The following SPAG16 variants were observed in gnomAD, a reference collection of about 807,000 sequenced individuals.
The protein encoded by SPAG16 is sperm associated antigen 16.
In SPAG16, 86 loss-of-function variants were observed where a neutral mutation model predicts 80.4. The observed-to-expected ratio is 1.07, with a 90% confidence interval of 0.90 to 1.28. SPAG16 has a LOEUF of 1.28. SPAG16 is among the 50% of genes most tolerant of loss of function. The probability of loss-of-function intolerance (pLI) is 0.00; values close to 1 mark genes in which losing one functional copy is unlikely to be tolerated. For synonymous variants in SPAG16, 294 were observed against 265.9 expected (o/e 1.11, Z -1.03); for missense variants, 870 against 765.3 (o/e 1.14, Z -1.61).
chr2:213,574,149 T>C, intron 10 of SPAG16, among the ~76,000 whole-genome samples: 1 of 152,236 alleles, frequency 6.6e-6, no homozygotes, highest in Non-Finnish European at 1.5e-5. Context: ...ACTTGTAGGT[T>C]ATATGCTATC....
chr2:213,774,916 A>C (rs1003281978), intron 10 of SPAG16, among the ~76,000 whole-genome samples: 4 of 152,158 alleles, frequency 2.6e-5, no homozygotes, highest in Non-Finnish European at 5.9e-5. Context: ...TGCATGCTGG[A>C]GGGTTTTCTC....
intron 13 of SPAG16, among the ~76,000 whole-genome samples, chr2:214,047,921 A>G (rs2049425137): frequency 6.6e-6 from 1 of 152,200 alleles, no homozygotes; most frequent in Non-Finnish European, 1.5e-5. Flanking sequence ...ACAGATGGCA[A>G]ACAGGTATAT....
intron 11 of SPAG16, among the ~76,000 whole-genome samples, chr2:213,927,592 T>C (rs925135577): frequency 3.3e-5 from 5 of 152,232 alleles, no homozygotes; most frequent in African/African-American, 1.2e-4. Context: ...TCTGACTCTA[T>C]ATATTAAAAA....
chr2:213,882,033 AT>A, intron 11 of SPAG16, among the ~76,000 whole-genome samples: 1 of 152,196 alleles, frequency 6.6e-6, no homozygotes, highest in South Asian at 2.1e-4. Context: ...GAGAGTTTTT[AT>A]TATAAAGGGA....
chr2:213,797,051 T>TA (rs71063780), intron 10 of SPAG16, among the ~76,000 whole-genome samples: 25 of 149,186 alleles, frequency 1.7e-4, no homozygotes, highest in East Asian at 5.9e-4. Flanking sequence ...AAATTAAAAT[T>TA]AAAAAAAAAA....
chr2:213,896,138 C>A (rs1364488476), intron 11 of SPAG16, among the ~76,000 whole-genome samples: 3 of 151,754 alleles, frequency 2.0e-5, no homozygotes, highest in African/African-American at 7.3e-5. Context: ...GGCAAACAGA[C>A]CTGAATAGAC....
chr2:214,234,073 T>TC (rs1241284220), intron 15 of SPAG16, among the ~76,000 whole-genome samples: 2 of 120,696 alleles, frequency 1.7e-5, no homozygotes. Flanking sequence ...TATGTGTTGT[T>TC]TCCCCCCCCA....
chr2:213,796,262 C>G (rs1313584476), intron 10 of SPAG16, among the ~76,000 whole-genome samples: 1 of 151,946 alleles, frequency 6.6e-6, no homozygotes, highest in South Asian at 2.1e-4. Flanking sequence ...TCTTCTCAAC[C>G]TAATTTTACT....
rs1221373880 is a variant in SPAG16, at chr2:213,422,415, G to T, written c.942+47296G>T. ...CTGGCATGCCTGGCTGTGCACAGTG[G>T]CTGGACCTGGTTCTCACTTGCTCAC... On this transcript the variant is annotated intron_variant, in intron 9 of 15. Coordinates refer to ENST00000331683, the MANE Select transcript of SPAG16 (RefSeq NM_024532.5). 4.7e-6 allele frequency: 3 copies of T among 635,982 alleles called. No individual in the cohort carries two copies. The East Asian group carries it at 8.2e-5, about 17-fold the overall frequency. 39.4% of individuals were successfully genotyped at this position (635,982 alleles called of 1,614,324 possible). A position where few individuals can be genotyped will look rare whatever the true frequency, so the allele number is the denominator to read the frequency against.
intron 15 of SPAG16, chr2:214,250,117 T>C (rs564136100): frequency 6.6e-6 from 1 of 152,246 alleles, no homozygotes; most frequent in South Asian, 2.1e-4. Flanking sequence ...TACATATCAG[T>C]TTCACTCACA....
chr2:213,868,999 C>T (rs898081152), intron 11 of SPAG16, among the ~76,000 whole-genome samples: 1 of 151,818 alleles, frequency 6.6e-6, no homozygotes, highest in Non-Finnish European at 1.5e-5. Flanking sequence ...CACCTGTAAT[C>T]CCAGCACTTT....
chr2:213,880,778 A>G (rs1244016959), intron 11 of SPAG16, among the ~76,000 whole-genome samples: 4 of 152,158 alleles, frequency 2.6e-5, no homozygotes, highest in Non-Finnish European at 5.9e-5. Flanking sequence ...TGAAAATCAG[A>G]TGGCAGTAGG....
At chr2:213,794,284 A>T (rs2070883422) in intron 10 of SPAG16, among the ~76,000 whole-genome samples, 1 of 152,120 alleles carries the variant, frequency 6.6e-6, no homozygotes, top group Admixed American at 6.5e-5. Flanking sequence ...TTTCTGTATG[A>T]GTTTATTCAA....
At chr2:213,612,742 GGC>G (rs1239676163) in intron 10 of SPAG16, among the ~76,000 whole-genome samples, 1 of 152,180 alleles carries the variant, frequency 6.6e-6, no homozygotes, top group African/African-American at 2.4e-5. Context: ...GGAGTGCCAA[GGC>G]CCCGTTTCAG....
chr2:213,540,963 G>A (rs1006793608), intron 10 of SPAG16, among the ~76,000 whole-genome samples: 4 of 152,250 alleles, frequency 2.6e-5, no homozygotes, highest in Non-Finnish European at 5.9e-5. Context: ...GCGCGTGCAT[G>A]TGTGTGTGCG....
intron 15 of SPAG16, among the ~76,000 whole-genome samples, chr2:214,291,853 G>GT (rs1693828903): frequency 6.6e-6 from 1 of 152,102 alleles, no homozygotes; most frequent in Non-Finnish European, 1.5e-5. Context: ...TTATCAGTAA[G>GT]TTTTATACTT....
At chr2:214,390,702 A>C (rs1478096178) in intron 15 of SPAG16, among the ~76,000 whole-genome samples, 1 of 152,128 alleles carries the variant, frequency 6.6e-6, no homozygotes, top group African/African-American at 2.4e-5. Context: ...TTCTAGGGGC[A>C]AGTGTGGGTC....
At chr2:213,485,232 G>C (rs375707745) in intron 9 of SPAG16, among the ~76,000 whole-genome samples, 1 of 152,004 alleles carries the variant, frequency 6.6e-6, no homozygotes, top group Non-Finnish European at 1.5e-5. Flanking sequence ...GAGCTCAAGC[G>C]ATCCACCTGC....
At chr2:214,361,628 A>G (rs986931369) in intron 15 of SPAG16, among the ~76,000 whole-genome samples, 7 of 151,842 alleles carry the variant, frequency 4.6e-5, no homozygotes, top group Non-Finnish European at 1.0e-4. Flanking sequence ...TTGGACTTAC[A>G]ACTTTTGTGT....
Sources: gnomAD v4.1 joint callset for allele counts (sites outside exome capture counted in the v4.1 genomes callset) on GRCh38, gnomAD v4.1.1 for gene constraint, MANE v1.5 for transcripts, NCBI Gene and HGNC (gene_info 2026-07-23, HGNC 2026-07-21) for gene names.